Variants in KSR2 observed in about 807,000 individuals in gnomAD.
KSR2 encodes the protein kinase suppressor of ras 2.
KSR2 carries 25 observed loss-of-function variants against 107.8 expected under a neutral mutation model. That is an observed-to-expected ratio of 0.23 (90% CI 0.17 to 0.32). The LOEUF (loss-of-function observed/expected upper bound fraction) is 0.32. Ranked by LOEUF, KSR2 falls within the 10% of genes least tolerant of loss-of-function variation. The pLI is 1.00. For missense variants in KSR2, 887 were observed against 1,268.9 expected, an observed-to-expected ratio of 0.70 and a Z score of 4.57; for synonymous variants, 480 against 507.0, an observed-to-expected ratio of 0.95 and a Z score of 0.71.
intron 4 of KSR2, among the ~76,000 whole-genome samples, chr12:117,700,602 G>A (rs1009444948): frequency 5.3e-5 from 8 of 152,172 alleles, no homozygotes; most frequent in African/African-American, 1.2e-4. Flanking sequence ...GATGCTTCAC[G>A]GATGCTACGG....
Position 117,876,598 on chromosome 12 carries a change from G to A in KSR2, c.181-16167C>T, listed in dbSNP as rs561616474. Among the ~76,000 whole-genome samples the A allele has an allele frequency of 2.0e-5, 3 of 152,206 alleles. No homozygotes were observed. The East Asian group carries it at 5.8e-4, about 29-fold the overall frequency. On this transcript the variant is annotated intron_variant, in intron 1 of 19. Transcript: ENST00000339824. ...CACTTACTAGACAGCAGGTCCAGTA[G>A]TAATAACTTCCTTACACGATCCTTA...
Position 117,466,507 on chromosome 12 carries a change from A to C in KSR2, c.*692T>G, listed in dbSNP as rs1871152992. 1 of 152,256 alleles carries C rather than the reference A, an allele frequency of 6.6e-6. No homozygotes were observed. Among genetic ancestry groups the C allele is most frequent in the African/African-American group, 2.4e-5 (1 of 41,454 alleles). 9.4% of individuals were successfully genotyped at this position (152,256 alleles called of 1,614,324 possible). A position where few individuals can be genotyped will look rare whatever the true frequency, so the allele number is the denominator to read the frequency against. On this transcript the variant is annotated 3_prime_UTR_variant, in exon 20 of 20. Coordinates refer to ENST00000339824, the MANE Select transcript of KSR2 (RefSeq NM_173598.6). ...GGTCCCCCAGAGAGACCCAGAACTC[A>C]AAAGACGTTCTAACTTTCCTACTGT...
intron 14 of KSR2, among the ~76,000 whole-genome samples, chr12:117,490,300 G>A (rs1773956841): frequency 6.6e-6 from 1 of 152,208 alleles, no homozygotes; most frequent in African/African-American, 2.4e-5. Context: ...CTTGCTGGGT[G>A]ACCTTCAGAA....
chr12:117,671,324 AT>A (rs1298880051), intron 4 of KSR2, among the ~76,000 whole-genome samples: 41 of 152,264 alleles, frequency 2.7e-4, no homozygotes, highest in African/African-American at 9.9e-4. Context: ...CTCTCGATTG[AT>A]TGATCATTAG....
intron 13 of KSR2, among the ~76,000 whole-genome samples, chr12:117,526,080 C>A (rs1875134546): frequency 1.3e-5 from 2 of 152,200 alleles, no homozygotes; most frequent in South Asian, 2.1e-4. Context: ...ACCTGACCAT[C>A]TGTATTAAAC....
At chr12:117,818,310 G>A (rs1406125691) in intron 3 of KSR2, among the ~76,000 whole-genome samples, 1 of 152,060 alleles carries the variant, frequency 6.6e-6, no homozygotes, top group African/African-American at 2.4e-5. Flanking sequence ...CCTTAGCAGA[G>A]ACAGTATGTG....
rs578114463 is a variant in KSR2 at position 117,701,051 on chromosome 12, T to C, written c.987-33393A>G. Among the ~76,000 whole-genome samples the C allele has an allele frequency of 8.3e-4, 127 of 152,294 alleles. 1 individual carries two copies. In the South Asian group the frequency reaches 0.025, roughly 31 times the overall value. On this transcript the variant is annotated intron_variant, in intron 4 of 19. Transcript: ENST00000339824. ...GCTCCACCTGACTGCTCATCCATCC[T>C]CCATCTGCACAATAGGAGGAAAACT...
At chr12:117,701,915 A>G (rs1886340474) in intron 4 of KSR2, among the ~76,000 whole-genome samples, 1 of 152,226 alleles carries the variant, frequency 6.6e-6, no homozygotes, top group African/African-American at 2.4e-5. Flanking sequence ...CTCCAGAACT[A>G]AAAAAGAAAA....
rs547034339 is a variant in KSR2 at position 117,454,460 on chromosome 12, T to C, written c.*12739A>G. 1 of 152,376 alleles carries C rather than the reference T, an allele frequency of 6.6e-6. No individual in the cohort carries two copies. The highest frequency in any genetic ancestry group is 6.5e-5 in the Admixed American group (1 of 15,308). The allele number at this position is 152,376 out of a possible 1,614,324, so 9.4% of individuals were successfully genotyped here. ...CAGCAAAGATGCTTTGTTTTCTGTCTTTCAAACCCTGACATATTTATAGAG... is the reference window on the plus strand; with the variant it reads ...CAGCAAAGATGCTTTGTTTTCTGTCCTTCAAACCCTGACATATTTATAGAG... On this transcript the variant is annotated 3_prime_UTR_variant, in exon 20 of 20. Coordinates refer to ENST00000339824, the MANE Select transcript of KSR2 (RefSeq NM_173598.6).
intron 4 of KSR2, among the ~76,000 whole-genome samples, chr12:117,739,233 T>C (rs4767607): frequency 0.66 from 99,926 of 151,640 alleles, 33,917 homozygotes; most frequent in Middle Eastern, 0.79. Context: ...CGGGCGCCTG[T>C]AGTCCCAGCT....
At chr12:117,520,560 G>T (rs1467261062) in intron 14 of KSR2, among the ~76,000 whole-genome samples, 3 of 152,236 alleles carry the variant, frequency 2.0e-5, no homozygotes, top group Non-Finnish European at 2.9e-5. Context: ...GACACTGAGT[G>T]TCCACCAAGA....
intron 4 of KSR2, among the ~76,000 whole-genome samples, chr12:117,696,776 T>A (rs1261263679): frequency 1.3e-5 from 2 of 152,138 alleles, no homozygotes; most frequent in African/African-American, 2.4e-5. Flanking sequence ...CAGGCCCAGA[T>A]AACATCCACA....
At chr12:117,813,950 A>G (rs1413031968) in intron 3 of KSR2, among the ~76,000 whole-genome samples, 2 of 152,248 alleles carry the variant, frequency 1.3e-5, no homozygotes, top group African/African-American at 4.8e-5. Flanking sequence ...AGCCACAAAA[A>G]CAATGAAATC....
At chr12:117,878,112 C>T (rs1431443326) in intron 1 of KSR2, among the ~76,000 whole-genome samples, 1 of 146,622 alleles carries the variant, frequency 6.8e-6, no homozygotes, top group Non-Finnish European at 1.5e-5. Context: ...GGAAGAGAAG[C>T]AAGGGGCAAA....
At chr12:117,835,732 G>A (rs1234417479) in intron 3 of KSR2, among the ~76,000 whole-genome samples, 1 of 152,052 alleles carries the variant, frequency 6.6e-6, no homozygotes, top group Non-Finnish European at 1.5e-5. Context: ...GGCCAGGGAT[G>A]CTGTTAAACA....
intron 4 of KSR2, among the ~76,000 whole-genome samples, chr12:117,720,769 G>A (rs370732804): frequency 5.3e-5 from 8 of 152,306 alleles, no homozygotes; most frequent in Middle Eastern, 3.4e-3. Context: ...AGGTGATAGA[G>A]TAAGAAAATA....
intron 4 of KSR2, among the ~76,000 whole-genome samples, chr12:117,710,157 C>T (rs868471867): frequency 4.6e-5 from 7 of 152,164 alleles, no homozygotes; most frequent in Admixed American, 3.3e-4. Flanking sequence ...TAGCGAGCCC[C>T]GACAGGTAAT....
At chr12:117,762,912 T>C (rs779026496) in intron 3 of KSR2, among the ~76,000 whole-genome samples, 22 of 151,992 alleles carry the variant, frequency 1.4e-4, no homozygotes, top group Non-Finnish European at 3.2e-4. Flanking sequence ...TATTATACTT[T>C]AAGTTTTAGG....
At chr12:117,498,956 T>C (rs758509768) in intron 14 of KSR2, among the ~76,000 whole-genome samples, 1 of 152,194 alleles carries the variant, frequency 6.6e-6, no homozygotes, top group Non-Finnish European at 1.5e-5. Flanking sequence ...GAAAATGGAC[T>C]AATACACTAA....
Sources: allele counts gnomAD v4.1 joint callset (sites outside exome capture counted in the v4.1 genomes callset), GRCh38; gene constraint gnomAD v4.1.1; transcripts MANE v1.5; gene names NCBI Gene and HGNC (gene_info 2026-07-23, HGNC 2026-07-21).